The following BOP1 variants were observed in gnomAD, a reference collection of about 807,000 sequenced individuals.
BOP1 encodes the protein BOP1 ribosomal biogenesis factor.
A neutral mutation model predicts 82.9 loss-of-function variants in BOP1; 54 were observed. The observed-to-expected ratio is 0.65, with a 90% confidence interval of 0.52 to 0.82. The LOEUF (loss-of-function observed/expected upper bound fraction) is 0.82, where lower values mean the gene tolerates loss of function less well. BOP1 is among the 40% of genes least tolerant of loss of function. The pLI, the probability that BOP1 is intolerant of heterozygous loss-of-function variation, is 0.00. For missense variants in BOP1, 1,170 were observed against 1,072.0 expected (o/e 1.09, Z -1.28); for synonymous variants, 566 against 451.1 (o/e 1.25, Z -3.23).
chr8:144,288,542 T>A lies in BOP1; in HGVS notation c.309+553A>T, dbSNP rs1397430346. The stretch of plus-strand genomic sequence containing the variant: ...GACTCTGTCTCAAAAAAATAAAAAA[T>A]AAAAAAAAATAACAAATGCTGTGTT... On this transcript the variant is annotated intron_variant, in intron 2 of 15. Transcript: ENST00000569669. Among the ~76,000 whole-genome samples, 3 of 151,660 alleles carry A rather than the reference T, an allele frequency of 2.0e-5. No individual in the cohort carries two copies. The East Asian group carries it at 5.8e-4, about 29-fold the overall frequency.
chr8:144,283,895 A>T (rs1440753851), intron 2 of BOP1, among the ~76,000 whole-genome samples: 4 of 152,198 alleles, frequency 2.6e-5, no homozygotes, highest in Non-Finnish European at 5.9e-5. Context: ...AGACAGGTGG[A>T]TTACCTGAGG....
intron 3 of BOP1, among the ~76,000 whole-genome samples, chr8:144,270,875 C>T (rs989193248): frequency 2.6e-5 from 4 of 152,152 alleles, no homozygotes; most frequent in African/African-American, 4.8e-5. Flanking sequence ...GGCCAGCAGC[C>T]GCCCCTGCGA....
chr8:144,273,892 C>T (rs1172528845), intron 3 of BOP1, among the ~76,000 whole-genome samples: 1 of 152,214 alleles, frequency 6.6e-6, no homozygotes, highest in Admixed American at 6.5e-5. Flanking sequence ...GCCTGCGCAC[C>T]TGGGGGAGGG....
intron 3 of BOP1, among the ~76,000 whole-genome samples, 159 bp downstream of exon 3, chr8:144,276,065 G>A (rs112314769): frequency 6.6e-6 from 1 of 152,182 alleles, no homozygotes. Flanking sequence ...TTGCAGATGG[G>A]GAAGCAGGAC....
chr8:144,287,312 A>G (rs910475293), intron 2 of BOP1, among the ~76,000 whole-genome samples: 1 of 152,132 alleles, frequency 6.6e-6, no homozygotes, highest in African/African-American at 2.4e-5. Flanking sequence ...GCCCGCTGAA[A>G]GAATTTAATA....
intron 2 of BOP1, chr8:144,281,953 G>C (rs1845692054): frequency 6.6e-6 from 1 of 152,112 alleles, no homozygotes; most frequent in Non-Finnish European, 1.5e-5. Context: ...ATAATAAAAA[G>C]AAAAACTCAC....
In BOP1 at chr8:144,263,240, A is replaced by T; in HGVS notation, c.1586T>A (p.Leu529Gln). The change falls in exon 12 of 16, where the codon CTG (leucine) becomes CAG (glutamine). Residue 529 changes from leucine to glutamine, a missense_variant. Transcript: ENST00000569669. ...ACGTACCTTCCCGTGGCAGATGCGC[A>T]GCCGCAGGCCCACTTGGCGCTCCTC... ...SEEERQVGLR[L>Q]RICHGKPVTQ... The T allele has an allele frequency of 5.0e-6, 8 of 1,594,956 alleles. No individual in the cohort carries two copies. Among genetic ancestry groups the T allele is most frequent in the Non-Finnish European group, 6.8e-6 (8 of 1,179,226 alleles).
intron 2 of BOP1, among the ~76,000 whole-genome samples, chr8:144,285,516 C>T (rs1188983197): frequency 3.9e-5 from 6 of 152,166 alleles, no homozygotes; most frequent in Non-Finnish European, 8.8e-5. Flanking sequence ...CAGACATTAC[C>T]CTCACTTACC....
chr8:144,271,079 CCCGGCCGG>C (rs58400462), intron 3 of BOP1, among the ~76,000 whole-genome samples: 2 of 150,886 alleles, frequency 1.3e-5, no homozygotes, highest in Admixed American at 1.3e-4. Flanking sequence ...CACGGAGAGC[CCCGGCCGG>C]CCGGCCGGGG....
chr8:144,276,363 G>T, intron 2 of BOP1, 59 bp from the exon 3 acceptor site: 1 of 1,587,870 alleles, frequency 6.3e-7, no homozygotes, highest in Non-Finnish European at 8.6e-7. Context: ...TTTGACCTTG[G>T]GGGGATCCCA....
At position 144,263,290 on chromosome 8, in the gene BOP1, CG is replaced by C; in HGVS notation, c.1535del (p.Pro512ArgfsTer26). ...FVPPEEPPLQ[P>X]ARWLEASEEE... ...CCTCTGAGGCCTCCAGCCAGCGGGC[CG>C]GCTGCAAGGGGGGCTCCTCAGGCGG... is the stretch of plus-strand genomic sequence containing the variant. On this transcript the variant is annotated frameshift_variant, in exon 12 of 16. Transcript: ENST00000569669. LOFTEE classifies it high-confidence loss of function. 1 of 1,594,238 alleles carries C rather than the reference CG, an allele frequency of 6.3e-7. No homozygotes were observed. Among genetic ancestry groups the C allele is most frequent in the East Asian group, 2.2e-5 (1 of 44,818 alleles).
At position 144,263,327 on chromosome 8, in the gene BOP1, C is replaced by T; in HGVS notation, c.1499G>A (p.Ser500Asn). 1 of 1,594,640 alleles carries T rather than the reference C, an allele frequency of 6.3e-7. No homozygotes were observed. Among genetic ancestry groups the T allele is most frequent in the South Asian group, 1.1e-5 (1 of 90,664 alleles). The change falls in exon 12 of 16, where the codon AGC (serine) becomes AAC (asparagine). Residue 500 changes from serine (S) to asparagine (N), a missense_variant. Coordinates refer to ENST00000569669, the MANE Select transcript of BOP1 (RefSeq NM_015201.5). ...LVAGSTDQLL[S>N]AFVPPEEPPL... is the part of the protein sequence containing the mutation. ...GGGCTCCTCAGGCGGGACGAAGGCG[C>T]TCAACAGCTGATCTGTGCTGCCCGC...
chr8:144,284,530 G>A (rs1205511757), intron 2 of BOP1, among the ~76,000 whole-genome samples: 21 of 152,142 alleles, frequency 1.4e-4, no homozygotes, highest in Admixed American at 1.1e-3. Context: ...CTGAGACAGC[G>A]CACGGCTGCC....
intron 3 of BOP1, among the ~76,000 whole-genome samples, chr8:144,273,638 G>T (rs1486317795): frequency 2.0e-5 from 3 of 152,224 alleles, no homozygotes; most frequent in Non-Finnish European, 4.4e-5. Context: ...TTCGGCAAAG[G>T]CCGAGAGCCC....
At position 144,262,644 on chromosome 8, in the gene BOP1, A is replaced by G; in HGVS notation, c.1923T>C (p.Asp641=). The change falls in exon 14 of 16, where the codon GAT becomes GAC. Residue 641 remains aspartate, a synonymous_variant. Transcript: ENST00000569669. Reference sequence around the variant, plus strand: ...CCAGGTCAAACCACACCAGCTTGCTATCGTAGCTCCCACAGATGACGTTGT... The same window carrying G: ...CCAGGTCAAACCACACCAGCTTGCTGTCGTAGCTCCCACAGATGACGTTGT... ...AGDNVICGSY[D]SKLVWFDLDL... 2 of 1,613,386 alleles carry G rather than the reference A, an allele frequency of 1.2e-6. No homozygotes were observed. The highest frequency in any genetic ancestry group is 1.7e-6 in the Non-Finnish European group (2 of 1,179,810).
chr8:144,268,743 G>A (rs1845439315), intron 3 of BOP1, among the ~76,000 whole-genome samples: 1 of 152,214 alleles, frequency 6.6e-6, no homozygotes, highest in African/African-American at 2.4e-5. Context: ...TGGGGGAGGA[G>A]CTGCGTGGCA....
Position 144,291,284 on chromosome 8 carries a change from C to T in BOP1, c.87G>A (p.Glu29=). Residue 29 remains glutamate (E), a synonymous_variant, in exon 1 of 16, where the codon GAG becomes GAA. Transcript: ENST00000569669. This position sits in a 1 kb window ranked among gnomAD's most constrained non-coding sequence, Gnocchi z 4.1. The stretch of plus-strand genomic sequence containing the variant: ...TCGCCACAGTCACCTCCGGCTCGGG[C>T]TCAGGCTCCAGTTCGGGCTCAGACC... ...KRRSEPELEP[E]PEPEPPLLCT... 6.8e-7 allele frequency: 1 copy of T among 1,461,386 alleles called. No individual in the cohort carries two copies. Among genetic ancestry groups the T allele is most frequent in the South Asian group, 1.3e-5 (1 of 77,512 alleles). 90.5% of individuals were successfully genotyped at this position (1,461,386 alleles called of 1,614,324 possible).
At chr8:144,277,064 G>A (rs1018804597) in intron 2 of BOP1, among the ~76,000 whole-genome samples, 15 of 152,256 alleles carry the variant, frequency 9.9e-5, no homozygotes, top group Admixed American at 2.6e-4. Flanking sequence ...GTTTACTGGC[G>A]GAACCAAGGC....
intron 11 of BOP1, 31 bp downstream of exon 11, chr8:144,263,447 T>G: frequency 5.6e-6 from 9 of 1,597,814 alleles, no homozygotes; most frequent in Non-Finnish European, 7.6e-6. Flanking sequence ...GTGCCACCCC[T>G]GGCTCCCCAG....
Sources: allele counts gnomAD v4.1 joint callset (sites outside exome capture counted in the v4.1 genomes callset), GRCh38; gene constraint gnomAD v4.1.1; non-coding constraint Gnocchi (gnomAD v3.1); transcripts MANE v1.5; gene names NCBI Gene and HGNC (gene_info 2026-07-23, HGNC 2026-07-21).